UBE2E2: variants seen among roughly 807,000 people sequenced by gnomAD.
The protein encoded by UBE2E2 is ubiquitin-conjugating enzyme E2 E2.
A neutral mutation model predicts 24.7 loss-of-function variants in UBE2E2; 6 were observed. The ratio of observed to expected loss-of-function variants is 0.24; its 90% CI spans 0.13 to 0.48. The LOEUF is 0.48. UBE2E2 is among the 20% of genes least tolerant of loss of function. The probability of loss-of-function intolerance (pLI) is 0.99; values close to 1 mark genes in which losing one functional copy is unlikely to be tolerated. For missense variants in UBE2E2, 169 were observed against 245.0 expected (o/e 0.69, Z 2.07); for synonymous variants, 104 against 83.6 (o/e 1.24, Z -1.33).
chr3:23,407,731 C>T lies in UBE2E2; in HGVS notation c.228-91877C>T, dbSNP rs1697399696. Among the ~76,000 whole-genome samples the T allele has an allele frequency of 6.6e-6, 1 of 150,838 alleles. No homozygotes were observed. Among genetic ancestry groups the T allele is most frequent in the South Asian group, 2.1e-4 (1 of 4,752 alleles). On this transcript the variant is annotated intron_variant, in intron 3 of 5. Transcript: ENST00000396703. This position sits in a 1 kb window ranked among gnomAD's most constrained non-coding sequence, Gnocchi z 4.0. ...ATCCCAGGCTTTATGCCGTTTTACT[C>T]CTAAACCTCTGTACATCTCAAATAA...
rs528176435 is a variant in UBE2E2, at chr3:23,259,306, G to T, written c.227+41994G>T. Reference sequence around the variant, plus strand: ...AGTTATCCCAAGTGTAGCTGTGCTCGCTAAGTCTTATATTTAAGTTATCTT... The same window carrying T: ...AGTTATCCCAAGTGTAGCTGTGCTCTCTAAGTCTTATATTTAAGTTATCTT... On this transcript the variant is annotated intron_variant, in intron 3 of 5. Transcript: ENST00000396703. Among the ~76,000 whole-genome samples, 9 of 152,240 alleles carry T rather than the reference G, an allele frequency of 5.9e-5. No homozygotes were observed. In the South Asian group the frequency reaches 1.9e-3, roughly 32 times the overall value.
intron 3 of UBE2E2, among the ~76,000 whole-genome samples, chr3:23,468,759 T>A (rs989932190): frequency 2.0e-5 from 3 of 152,210 alleles, no homozygotes; most frequent in Non-Finnish European, 4.4e-5. Flanking sequence ...GCTCTGGAAC[T>A]AAATAACTGC....
chr3:23,429,372 G>A (rs189617750), intron 3 of UBE2E2, among the ~76,000 whole-genome samples: 4 of 152,060 alleles, frequency 2.6e-5, no homozygotes, highest in Admixed American at 1.3e-4. Context: ...TATAATAGGC[G>A]TAAAAAATTT....
chr3:23,231,795 T>C (rs547487769), intron 3 of UBE2E2, among the ~76,000 whole-genome samples: 2 of 152,306 alleles, frequency 1.3e-5, no homozygotes, highest in South Asian at 4.2e-4. Context: ...CAGGGAACCA[T>C]GTTTGCCGGT....
At chr3:23,476,291 C>T (rs1350398189) in intron 3 of UBE2E2, among the ~76,000 whole-genome samples, 1 of 152,050 alleles carries the variant, frequency 6.6e-6, no homozygotes, top group Non-Finnish European at 1.5e-5. Context: ...TGTCGTAACA[C>T]TGATAGTGAT....
chr3:23,501,790 A>T (rs1009676012), intron 4 of UBE2E2, among the ~76,000 whole-genome samples: 1 of 152,146 alleles, frequency 6.6e-6, no homozygotes, highest in African/African-American at 2.4e-5. Flanking sequence ...TACCTCTGAG[A>T]CACCACACTT....
intron 5 of UBE2E2, among the ~76,000 whole-genome samples, chr3:23,574,836 A>T (rs1696310584): frequency 6.6e-6 from 1 of 152,204 alleles, no homozygotes; most frequent in Non-Finnish European, 1.5e-5. Flanking sequence ...CACAGTCACC[A>T]GATGTGCTAC....
In UBE2E2 at chr3:23,316,623, A is replaced by G. The variant is rs1023358366; in HGVS notation, c.227+99311A>G. On this transcript the variant is annotated intron_variant, in intron 3 of 5. Coordinates refer to ENST00000396703, the MANE Select transcript of UBE2E2 (RefSeq NM_152653.4). ...CTTTTCTCTATTGTGGCCGGGCACA[A>G]GACAAAGTACCCTTAATCTTTCTTC... Among the ~76,000 whole-genome samples, 5 of 151,690 alleles carry G rather than the reference A, an allele frequency of 3.3e-5. No individual in the cohort carries two copies. In the East Asian group the frequency reaches 9.8e-4, roughly 30 times the overall value.
chr3:23,500,751 TTAGA>T (rs1265463159), intron 4 of UBE2E2, among the ~76,000 whole-genome samples: 7 of 152,202 alleles, frequency 4.6e-5, no homozygotes, highest in Non-Finnish European at 8.8e-5. Context: ...CCATTGATGC[TTAGA>T]TAGTGTTACC....
chr3:23,234,409 G>C (rs1251801509), intron 3 of UBE2E2, among the ~76,000 whole-genome samples: 1 of 152,052 alleles, frequency 6.6e-6, no homozygotes, highest in Non-Finnish European at 1.5e-5. Flanking sequence ...TGTTCAGTTG[G>C]ACACATACAT....
chr3:23,369,112 A>G (rs547432320), intron 3 of UBE2E2, among the ~76,000 whole-genome samples: 1 of 152,288 alleles, frequency 6.6e-6, no homozygotes, highest in African/African-American at 2.4e-5. Flanking sequence ...TGAAAGTTTT[A>G]TTTCTCATTC....
chr3:23,404,979 T>C (rs1215088480), intron 3 of UBE2E2, among the ~76,000 whole-genome samples: 1 of 152,238 alleles, frequency 6.6e-6, no homozygotes, highest in African/African-American at 2.4e-5. Context: ...AAATTTGGCT[T>C]ATATACTTTG....
At chr3:23,249,648 C>G (rs1475324610) in intron 3 of UBE2E2, among the ~76,000 whole-genome samples, 1 of 142,322 alleles carries the variant, frequency 7.0e-6, no homozygotes, top group Non-Finnish European at 1.5e-5. Context: ...TGTGTATTAA[C>G]TCAGATTTTT....
intron 5 of UBE2E2, among the ~76,000 whole-genome samples, chr3:23,574,010 T>A (rs1374782607): frequency 6.6e-6 from 1 of 152,170 alleles, no homozygotes; most frequent in African/African-American, 2.4e-5. Context: ...AAAAATGTGG[T>A]ACATATATGC....
intron 3 of UBE2E2, among the ~76,000 whole-genome samples, chr3:23,436,333 A>G (rs957227073): frequency 2.6e-5 from 4 of 152,178 alleles, no homozygotes; most frequent in African/African-American, 9.7e-5. Context: ...CTGCTGTTCC[A>G]TGATATTTTT....
chr3:23,532,470 G>A (rs762695540), intron 4 of UBE2E2, 84 bp from the exon 5 acceptor site: 195 of 1,249,714 alleles, frequency 1.6e-4, no homozygotes, highest in Middle Eastern at 1.5e-3. Context: ...GATAAAATAG[G>A]CAATTTTATT....
intron 3 of UBE2E2, among the ~76,000 whole-genome samples, chr3:23,444,865 T>C (rs1698391402): frequency 6.6e-6 from 1 of 152,192 alleles, no homozygotes; most frequent in South Asian, 2.1e-4. Flanking sequence ...GCCATGTTGA[T>C]AGATCAGTTA....
At position 23,404,942 on chromosome 3, in the gene UBE2E2, C is replaced by G. The variant is rs563945906; in HGVS notation, c.228-94666C>G. ...ACATTCTATTTCCCACTACTCTGTTCAGTTCAGCCACTTCGTTAGCATTCT... is the reference window on the plus strand; with the variant it reads ...ACATTCTATTTCCCACTACTCTGTTGAGTTCAGCCACTTCGTTAGCATTCT... On this transcript the variant is annotated intron_variant, in intron 3 of 5. Coordinates refer to ENST00000396703, the MANE Select transcript of UBE2E2 (RefSeq NM_152653.4). Among the ~76,000 whole-genome samples the G allele has an allele frequency of 1.2e-3, 188 of 152,284 alleles. 1 individual carries two copies. The highest frequency in any genetic ancestry group is 1.2e-3 in the Non-Finnish European group (80 of 68,024).
intron 3 of UBE2E2, among the ~76,000 whole-genome samples, chr3:23,485,828 G>A (rs1217610660): frequency 1.3e-5 from 2 of 152,190 alleles, no homozygotes; most frequent in African/African-American, 2.4e-5. Flanking sequence ...CATGCAAGAT[G>A]TCATACAGCT....
Sources: gnomAD v4.1 joint callset for allele counts (sites outside exome capture counted in the v4.1 genomes callset) on GRCh38, gnomAD v4.1.1 for gene constraint, Gnocchi (gnomAD v3.1) non-coding constraint, MANE v1.5 for transcripts, NCBI Gene and HGNC (gene_info 2026-07-23, HGNC 2026-07-21) for gene names.